Variants in TRPM3 observed in about 807,000 individuals in gnomAD.
The protein encoded by TRPM3 is transient receptor potential cation channel subfamily M member 3, also known as long transient receptor potential channel 3.
In TRPM3, 77 loss-of-function variants were observed where a neutral mutation model predicts 181.2. The observed-to-expected ratio is 0.42, with a 90% CI of 0.35 to 0.51. TRPM3 has a LOEUF of 0.51. Ranked by LOEUF, TRPM3 falls within the 20% of genes least tolerant of loss-of-function variation. TRPM3 has a pLI of 0.01. For synonymous variants in TRPM3, 745 were observed against 796.4 expected, an observed-to-expected ratio of 0.94 and a Z score of 1.09; for missense variants, 1,759 against 2,196.7, an observed-to-expected ratio of 0.80 and a Z score of 3.98.
At chr9:71,438,336 G>GT (rs1484445548) in intron 1 of TRPM3, among the ~76,000 whole-genome samples, 7 of 152,126 alleles carry the variant, frequency 4.6e-5, no homozygotes, top group Non-Finnish European at 7.3e-5. Flanking sequence ...GTATTAAGAA[G>GT]TTTTTTTTAA....
intron 22 of TRPM3, among the ~76,000 whole-genome samples, chr9:70,569,006 A>G (rs1292894520): frequency 6.6e-6 from 1 of 152,246 alleles, no homozygotes; most frequent in Non-Finnish European, 1.5e-5. Context: ...CCCCATAAAT[A>G]TAATGAAAGA....
chr9:70,888,397 G>GTA (rs908639393), intron 1 of TRPM3, among the ~76,000 whole-genome samples: 2 of 150,056 alleles, frequency 1.3e-5, no homozygotes, highest in Admixed American at 1.3e-4. Flanking sequence ...GTGTGTGTGT[G>GTA]TGTGTTCCAA....
intron 1 of TRPM3, among the ~76,000 whole-genome samples, chr9:71,304,535 G>A (rs1021311055): frequency 6.6e-6 from 1 of 152,070 alleles, no homozygotes; most frequent in African/African-American, 2.4e-5. Context: ...CTATTGTAAG[G>A]GTAATCCTTT....
At chr9:71,039,899 T>C (rs1395561604) in intron 1 of TRPM3, among the ~76,000 whole-genome samples, 2 of 152,176 alleles carry the variant, frequency 1.3e-5, no homozygotes, top group African/African-American at 2.4e-5. Flanking sequence ...TTTGTATTCA[T>C]GGAATATGAT....
At position 70,537,082 on chromosome 9, in the gene TRPM3, G is replaced by A. The variant is rs562873797; in HGVS notation, c.4031C>T (p.Pro1344Leu). 6.2e-7 allele frequency: 1 copy of A among 1,611,000 alleles called. No homozygotes were observed. The highest frequency in any genetic ancestry group is 1.1e-5 in the South Asian group (1 of 91,052). The change falls in exon 26 of 26, where the codon CCC becomes CTC. Residue 1344 changes from proline to leucine, a missense_variant. Pro to Leu is a moderately conservative substitution (Grantham distance 98). Coordinates refer to ENST00000677713, the MANE Select transcript of TRPM3 (RefSeq NM_001366145.2). ...ATAGAAAGAATGGCTTCGCATACGGGGCATTAAGGTTGGAGAAGTTGGGGA... is the reference window on the plus strand; with the variant it reads ...ATAGAAAGAATGGCTTCGCATACGGAGCATTAAGGTTGGAGAAGTTGGGGA... ...TMSPTSPTLM[P>L]RMRSHSFYSV...
intron 1 of TRPM3, among the ~76,000 whole-genome samples, chr9:70,993,435 C>A (rs2097508190): frequency 6.6e-6 from 1 of 152,086 alleles, no homozygotes; most frequent in African/African-American, 2.4e-5. Flanking sequence ...AAAGAGGAAT[C>A]AAGAACAACT....
intron 7 of TRPM3, among the ~76,000 whole-genome samples, chr9:70,781,346 A>AAAAAAAAAAAAAAAAAAAAC (rs1564254422): frequency 6.8e-6 from 1 of 147,424 alleles, no homozygotes; most frequent in Non-Finnish European, 1.5e-5. Context: ...AAAAAAAAAA[A>AAAAAAAAAAAAAAAAAAAAC]AAAGAAAACA....
At chr9:70,980,290 A>C (rs182787287) in intron 1 of TRPM3, among the ~76,000 whole-genome samples, 1 of 152,212 alleles carries the variant, frequency 6.6e-6, no homozygotes, top group Admixed American at 6.5e-5. Flanking sequence ...TTTGCAGGGC[A>C]AAAAAGAAAG....
At chr9:70,799,489 T>A (rs144454899) in intron 6 of TRPM3, among the ~76,000 whole-genome samples, 48 of 152,338 alleles carry the variant, frequency 3.2e-4, no homozygotes, top group African/African-American at 1.0e-3. Flanking sequence ...CAGTGAGAAA[T>A]ATGGGTGACA....
Position 70,590,987 on chromosome 9 carries a change from T to G in TRPM3, c.3223+44A>C, listed in dbSNP as rs748209538. The G allele has an allele frequency of 1.2e-5, 19 of 1,613,494 alleles. No individual in the cohort carries two copies. The South Asian group carries it at 1.2e-4, about 10-fold the overall frequency. ...TGGAAAAGACATAACCGAATTGAAT[T>G]TAAATACCTGACTTTGGTGTATGAG... is the stretch of plus-strand genomic sequence containing the variant. On this transcript the variant is annotated intron_variant, in intron 22 of 25. Coordinates refer to ENST00000677713, the MANE Select transcript of TRPM3 (RefSeq NM_001366145.2).
At chr9:70,760,421 G>A (rs540372820) in intron 8 of TRPM3, among the ~76,000 whole-genome samples, 1 of 148,190 alleles carries the variant, frequency 6.7e-6, no homozygotes, top group African/African-American at 2.5e-5. Flanking sequence ...GAGATGGGAG[G>A]ATGTCACATG....
At chr9:71,123,096 A>G (rs1009452290), upstream of TRPM3, among the ~76,000 whole-genome samples, 1 of 152,240 alleles carries the variant, frequency 6.6e-6, no homozygotes, top group Non-Finnish European at 1.5e-5. Context: ...ACATACTAGT[A>G]TAACTGGAAT....
At chr9:71,071,835 G>A (rs2062805637) in intron 1 of TRPM3, among the ~76,000 whole-genome samples, 1 of 152,172 alleles carries the variant, frequency 6.6e-6, no homozygotes, top group South Asian at 2.1e-4. Flanking sequence ...TGAGGATGCA[G>A]GTGGAGCCTC....
chr9:70,819,161 G>A (rs888841390), intron 6 of TRPM3, among the ~76,000 whole-genome samples: 1 of 152,108 alleles, frequency 6.6e-6, no homozygotes, highest in African/African-American at 2.4e-5. Flanking sequence ...TGGGCCAGGC[G>A]ACTCTTCATG....
At chr9:71,150,927 G>GAT (rs961280371) in intron 1 of TRPM3, among the ~76,000 whole-genome samples, 4 of 152,128 alleles carry the variant, frequency 2.6e-5, no homozygotes, top group Admixed American at 2.6e-4. Flanking sequence ...CAAAAATCCA[G>GAT]ATATATATAG....
At chr9:71,012,518 C>T (rs1015646223) in intron 1 of TRPM3, among the ~76,000 whole-genome samples, 1 of 151,538 alleles carries the variant, frequency 6.6e-6, no homozygotes, top group African/African-American at 2.4e-5. Flanking sequence ...TTACAGCCAA[C>T]TTGTTTACGT....
intron 1 of TRPM3, among the ~76,000 whole-genome samples, chr9:70,951,015 T>A (rs1488746825): frequency 6.6e-6 from 1 of 152,096 alleles, no homozygotes; most frequent in Non-Finnish European, 1.5e-5. Flanking sequence ...TTTGAATATT[T>A]TTTCAGTTCA....
intron 1 of TRPM3, among the ~76,000 whole-genome samples, chr9:71,171,879 A>AG (rs1276412366): frequency 1.4e-5 from 2 of 144,438 alleles, no homozygotes; most frequent in Admixed American, 1.4e-4. Flanking sequence ...TTTATTTTGG[A>AG]GGGGGAGGGT....
At chr9:70,645,122 G>T (rs549033535) in intron 9 of TRPM3, among the ~76,000 whole-genome samples, 1 of 152,224 alleles carries the variant, frequency 6.6e-6, no homozygotes, top group South Asian at 2.1e-4. Flanking sequence ...TTGTGAAAAT[G>T]GCCATACTGC....
Sources: allele counts gnomAD v4.1 joint callset (sites outside exome capture counted in the v4.1 genomes callset), GRCh38; gene constraint gnomAD v4.1.1; transcripts MANE v1.5; gene names NCBI Gene and HGNC (gene_info 2026-07-23, HGNC 2026-07-21).